ERBB4: variants seen among roughly 807,000 people sequenced by gnomAD.
The protein encoded by ERBB4 is receptor tyrosine-protein kinase erbB-4.
Under a neutral mutation model 158.0 loss-of-function variants are expected in ERBB4, and 42 were observed. The observed-to-expected ratio is 0.27, with a 90% CI of 0.21 to 0.34. The LOEUF is 0.34. Among genes scored for constraint, ERBB4 ranks in the 10% least tolerant of loss-of-function variants. ERBB4 has a pLI of 1.00. For missense variants in ERBB4, 1,333 were observed against 1,624.1 expected, an observed-to-expected ratio of 0.82 and a Z score of 3.08; for synonymous variants, 583 against 558.7, an observed-to-expected ratio of 1.04 and a Z score of -0.61.
At chr2:211,597,209 A>G (rs1394513452) in intron 19 of ERBB4, among the ~76,000 whole-genome samples, 1 of 152,212 alleles carries the variant, frequency 6.6e-6, no homozygotes, top group Non-Finnish European at 1.5e-5. Context: ...CCATATATTA[A>G]TCCATTATTG....
At chr2:212,450,565 G>T (rs1422911791) in intron 1 of ERBB4, among the ~76,000 whole-genome samples, 6 of 152,046 alleles carry the variant, frequency 3.9e-5, no homozygotes, top group African/African-American at 1.2e-4. Flanking sequence ...AAAAAATACA[G>T]TTCTGCTGAC....
chr2:211,471,304 C>T (rs1456856806), intron 20 of ERBB4, among the ~76,000 whole-genome samples: 1 of 152,040 alleles, frequency 6.6e-6, no homozygotes. Flanking sequence ...ATGAGCCAAG[C>T]CTTTCTTAAA....
chr2:212,202,999 A>T (rs1229116757), intron 1 of ERBB4, among the ~76,000 whole-genome samples: 2 of 151,706 alleles, frequency 1.3e-5, no homozygotes, highest in African/African-American at 4.8e-5. Flanking sequence ...TATTTTATTT[A>T]CATATATGTA....
chr2:212,183,977 T>C (rs1237309049), intron 1 of ERBB4, among the ~76,000 whole-genome samples: 2 of 152,148 alleles, frequency 1.3e-5, no homozygotes. Context: ...GCTTTAAGCA[T>C]GCTCTGTTCC....
At chr2:212,497,006 C>A (rs1408395872) in intron 1 of ERBB4, among the ~76,000 whole-genome samples, 1 of 151,854 alleles carries the variant, frequency 6.6e-6, no homozygotes, top group African/African-American at 2.4e-5. Flanking sequence ...ATGGTGAAAT[C>A]CTGTCTCTAC....
intron 25 of ERBB4, among the ~76,000 whole-genome samples, chr2:211,401,105 T>C (rs982542502): frequency 1.3e-5 from 2 of 152,024 alleles, no homozygotes; most frequent in African/African-American, 4.8e-5. Context: ...AAAACTGCTA[T>C]GCTTTTTTTC....
chr2:211,863,432 A>G (rs2078120981), intron 3 of ERBB4, among the ~76,000 whole-genome samples: 1 of 152,206 alleles, frequency 6.6e-6, no homozygotes, highest in Admixed American at 6.5e-5. Flanking sequence ...TGCTCTTCAC[A>G]ATAAATCTTG....
At chr2:211,575,627 C>T (rs1488507948) in intron 19 of ERBB4, among the ~76,000 whole-genome samples, 1 of 152,112 alleles carries the variant, frequency 6.6e-6, no homozygotes, top group Non-Finnish European at 1.5e-5. Context: ...ATCTACTCTG[C>T]TTTTAATCTG....
chr2:212,254,693 C>A (rs570785098), intron 1 of ERBB4, among the ~76,000 whole-genome samples: 1 of 152,146 alleles, frequency 6.6e-6, no homozygotes, highest in Admixed American at 6.6e-5. Context: ...GGAAAACTTC[C>A]TAACCTGCTT....
At chr2:211,904,359 T>C (rs968465345) in intron 3 of ERBB4, among the ~76,000 whole-genome samples, 2 of 152,156 alleles carry the variant, frequency 1.3e-5, no homozygotes, top group African/African-American at 2.4e-5. Flanking sequence ...TTTCAATTTC[T>C]AACAATCCAA....
At chr2:212,389,141 T>C (rs1162431222) in intron 1 of ERBB4, among the ~76,000 whole-genome samples, 1 of 152,120 alleles carries the variant, frequency 6.6e-6, no homozygotes, top group African/African-American at 2.4e-5. Context: ...CTAAATCTGA[T>C]GTTCCAGCAT....
At chr2:212,338,399 A>G (rs1489515446) in intron 1 of ERBB4, among the ~76,000 whole-genome samples, 1 of 152,158 alleles carries the variant, frequency 6.6e-6, no homozygotes, top group East Asian at 1.9e-4. Context: ...ATGCATATAC[A>G]AGGCAACATT....
At chr2:212,260,091 G>GAAAAT (rs2084884716) in intron 1 of ERBB4, among the ~76,000 whole-genome samples, 1 of 149,750 alleles carries the variant, frequency 6.7e-6, no homozygotes, top group East Asian at 1.9e-4. Context: ...AAAAAGAAAA[G>GAAAAT]AAAAGAAATG....
At chr2:211,941,060 C>CA (rs2080480353) in intron 3 of ERBB4, among the ~76,000 whole-genome samples, 1 of 152,074 alleles carries the variant, frequency 6.6e-6, no homozygotes, top group Non-Finnish European at 1.5e-5. Context: ...TCTGACATGA[C>CA]AAGCAAACAA....
chr2:212,206,589 C>CTTTTTTTTTTTTTTTTTTTTTTT lies in ERBB4; in HGVS notation c.83-81687_83-81686insAAAAAAAAAAAAAAAAAAAAAAA, dbSNP rs5838309. 4.6e-4 allele frequency among the ~76,000 whole-genome samples: 53 copies of CTTTTTTTTTTTTTTTTTTTTTTT among 116,426 alleles called. 5 individuals carry two copies. The highest frequency in any genetic ancestry group is 1.5e-3 in the African/African-American group (42 of 27,672). The allele number at this position is 116,426 out of a possible 152,430, so 76.4% of individuals were successfully genotyped here. Reference sequence around the variant, plus strand: ...ATGAACTGTCTCCGTCTGTTCTGTTCTTTTTTTTTTTTTTTTGAGACGGAG... The same window carrying CTTTTTTTTTTTTTTTTTTTTTTT: ...ATGAACTGTCTCCGTCTGTTCTGTTCTTTTTTTTTTTTTTTTTTTTTTTTTTTTTTTTTTTTTTTGAGACGGAG... On this transcript the variant is annotated intron_variant, in intron 1 of 27. Coordinates refer to ENST00000342788, the MANE Select transcript of ERBB4 (RefSeq NM_005235.3).
At chr2:212,176,613 A>G (rs1486811587) in intron 1 of ERBB4, among the ~76,000 whole-genome samples, 1 of 151,934 alleles carries the variant, frequency 6.6e-6, no homozygotes, top group East Asian at 1.9e-4. Flanking sequence ...GCAAAATATT[A>G]TGTCTCCCTT....
chr2:212,362,530 T>C (rs16848458), intron 1 of ERBB4, among the ~76,000 whole-genome samples: 23,255 of 150,364 alleles, frequency 0.15, 2,287 homozygotes, highest in African/African-American at 0.28. Context: ...GTGTGACTTG[T>C]TTTCTTCCTG....
intron 1 of ERBB4, among the ~76,000 whole-genome samples, chr2:212,335,445 T>C (rs1321360213): frequency 2.0e-5 from 3 of 152,040 alleles, no homozygotes; most frequent in Non-Finnish European, 4.4e-5. Flanking sequence ...GTAATTTTTT[T>C]AATTCAAAAA....
At chr2:212,275,211 T>C (rs2085484851) in intron 1 of ERBB4, among the ~76,000 whole-genome samples, 1 of 152,004 alleles carries the variant, frequency 6.6e-6, no homozygotes, top group South Asian at 2.1e-4. Context: ...TTTGCTATTG[T>C]GAACAGTGCC....
Sources: gnomAD v4.1 joint callset for allele counts (sites outside exome capture counted in the v4.1 genomes callset) on GRCh38, gnomAD v4.1.1 for gene constraint, MANE v1.5 for transcripts, NCBI Gene and HGNC (gene_info 2026-07-23, HGNC 2026-07-21) for gene names.